USP43: variants seen among roughly 807,000 people sequenced by gnomAD.
The protein encoded by USP43 is ubiquitin specific peptidase 43, also known as ubiquitin carboxyl-terminal hydrolase 43.
In USP43, 33 loss-of-function variants were observed where a neutral mutation model predicts 90.7. That is an observed-to-expected ratio of 0.36 (90% CI 0.28 to 0.49). The LOEUF is 0.49. Among genes scored for constraint, USP43 ranks in the 20% least tolerant of loss-of-function variants. The pLI is 0.98. For synonymous variants in USP43, 598 were observed against 615.8 expected (o/e 0.97, Z 0.43); for missense variants, 1,274 against 1,476.4 (o/e 0.86, Z 2.25).
At chr17:9,698,163 G>T (rs1226365322) in intron 9 of USP43, among the ~76,000 whole-genome samples, 1 of 152,060 alleles carries the variant, frequency 6.6e-6, no homozygotes, top group Non-Finnish European at 1.5e-5. Context: ...CATGTCCTTT[G>T]CCCACTTTTT....
At chr17:9,680,095 C>T in intron 5 of USP43, 136 bp from the exon 6 acceptor site, 1 of 812,858 alleles carries the variant, frequency 1.2e-6, no homozygotes, top group African/African-American at 1.7e-5. Context: ...TACTATGCTG[C>T]CTTATTACTA....
At chr17:9,669,143 C>G (rs896171673) in intron 3 of USP43, among the ~76,000 whole-genome samples, 1 of 152,088 alleles carries the variant, frequency 6.6e-6, no homozygotes, top group Non-Finnish European at 1.5e-5. Flanking sequence ...CACGCCCGGC[C>G]GGGCATCTGT....
chr17:9,683,135 G>T (rs1367461450), intron 7 of USP43, among the ~76,000 whole-genome samples, 177 bp downstream of exon 7: 1 of 152,194 alleles, frequency 6.6e-6, no homozygotes, highest in South Asian at 2.1e-4. Context: ...TTTGGCTAAC[G>T]TCATCATTCC....
At chr17:9,656,863 T>G (rs751175526) in intron 2 of USP43, among the ~76,000 whole-genome samples, 2 of 152,222 alleles carry the variant, frequency 1.3e-5, no homozygotes, top group Non-Finnish European at 2.9e-5. Context: ...TACCGTTCCT[T>G]ATTATTTGCA....
chr17:9,657,463 G>T (rs1324410780), intron 2 of USP43, among the ~76,000 whole-genome samples: 1 of 151,258 alleles, frequency 6.6e-6, no homozygotes, highest in Non-Finnish European at 1.5e-5. Context: ...ACGCACCGTT[G>T]CACTCCAGCC....
At chr17:9,710,884 A>G (rs1223686028) in intron 13 of USP43, among the ~76,000 whole-genome samples, 2 of 151,946 alleles carry the variant, frequency 1.3e-5, no homozygotes, top group Non-Finnish European at 2.9e-5. Context: ...GATTTGTTTC[A>G]TGCTGCAAAC....
chr17:9,689,776 A>G (rs1195292632), intron 8 of USP43, among the ~76,000 whole-genome samples: 1 of 152,150 alleles, frequency 6.6e-6, no homozygotes, highest in African/African-American at 2.4e-5. Context: ...ATTTGTGTGC[A>G]GGCAGAGTAG....
intron 2 of USP43, among the ~76,000 whole-genome samples, chr17:9,661,642 G>C (rs1912647253): frequency 6.6e-6 from 1 of 152,112 alleles, no homozygotes; most frequent in South Asian, 2.1e-4. Context: ...ACAGGTGTGA[G>C]CCACCGTGCA....
chr17:9,652,148 G>A (rs1390362294), intron 1 of USP43, among the ~76,000 whole-genome samples: 1 of 150,166 alleles, frequency 6.7e-6, no homozygotes, highest in Non-Finnish European at 1.5e-5. Context: ...ACTTTGAGAG[G>A]CCGAGATGGG....
chr17:9,715,719 G>A (rs527635973), intron 14 of USP43, among the ~76,000 whole-genome samples: 2 of 133,216 alleles, frequency 1.5e-5, no homozygotes, highest in Non-Finnish European at 3.2e-5. Context: ...CTCTGTGTGT[G>A]TATGTGTGTG....
intron 9 of USP43, among the ~76,000 whole-genome samples, chr17:9,699,831 G>T (rs1417955022): frequency 6.6e-6 from 1 of 152,182 alleles, no homozygotes; most frequent in Non-Finnish European, 1.5e-5. Context: ...TTGGGTATTT[G>T]TGTAGGATGG....
rs141412870 is a variant in USP43, at chr17:9,693,578, G to A, written c.1457+348G>A. Among the ~76,000 whole-genome samples the A allele has an allele frequency of 2.3e-3, 347 of 152,298 alleles. 1 individual carries two copies. Among genetic ancestry groups the A allele is most frequent in the African/African-American group, 8.0e-3 (331 of 41,572 alleles). On this transcript the variant is annotated intron_variant, in intron 9 of 14. Transcript: ENST00000285199. The stretch of plus-strand genomic sequence containing the variant: ...CAGCCAGGCATGGTGGTTCACGCCT[G>A]TAATCCCAGCACTTTTGGAGGCTGA...
chr17:9,728,043 C>T lies in USP43; in HGVS notation c.2425C>T (p.Pro809Ser). Residue 809 changes from proline to serine, a missense_variant, in exon 15 of 15, where the codon CCA becomes TCA. Physicochemically the swap from Pro to Ser is moderately conservative, Grantham distance 74. Coordinates refer to ENST00000285199, the MANE Select transcript of USP43 (RefSeq NM_153210.5). This position sits in a 1 kb window ranked among gnomAD's most constrained non-coding sequence, Gnocchi z 6.2. ...APTTSRAKQGPFKTMPLRWSF... is the reference protein window; with the variant it reads ...APTTSRAKQGSFKTMPLRWSF... ...CACCACTTCCCGAGCCAAGCAGGGA[C>T]CATTCAAGACCATGCCTCTGCGGTG... 6.2e-7 allele frequency: 1 copy of T among 1,613,896 alleles called. No homozygotes were observed. Among genetic ancestry groups the T allele is most frequent in the South Asian group, 1.1e-5 (1 of 91,072 alleles).
At chr17:9,681,756 A>T (rs1914306284) in intron 6 of USP43, among the ~76,000 whole-genome samples, 1 of 151,818 alleles carries the variant, frequency 6.6e-6, no homozygotes, top group South Asian at 2.1e-4. Context: ...AGCCTCCGAA[A>T]GTCCTGGGAT....
intron 5 of USP43, among the ~76,000 whole-genome samples, chr17:9,679,055 G>C (rs752205260): frequency 2.6e-5 from 4 of 151,970 alleles, no homozygotes; most frequent in African/African-American, 9.7e-5. Flanking sequence ...AACTGTAATA[G>C]TAATAATAGT....
Position 9,729,660 on chromosome 17 carries a change from C to A in USP43, c.*670C>A, listed in dbSNP as rs1917486260. 2.6e-5 allele frequency: 4 copies of A among 152,008 alleles called. No individual in the cohort carries two copies. The highest frequency in any genetic ancestry group is 1.3e-4 in the Admixed American group (2 of 15,258). The allele number at this position is 152,008 out of a possible 1,614,324, so 9.4% of individuals were successfully genotyped here. ...TTAATTTAAATATGAGATCTATGTA[C>A]AATTTTAATAAAATCCTGTCCATGA... On this transcript the variant is annotated 3_prime_UTR_variant, in exon 15 of 15. Coordinates refer to ENST00000285199, the MANE Select transcript of USP43 (RefSeq NM_153210.5).
At chr17:9,685,251 C>G (rs947020137) in intron 7 of USP43, among the ~76,000 whole-genome samples, 1 of 152,148 alleles carries the variant, frequency 6.6e-6, no homozygotes, top group Non-Finnish European at 1.5e-5. Flanking sequence ...CAGGCTGCAG[C>G]GAGGCCAGGA....
chr17:9,688,176 A>G (rs1258865333), intron 8 of USP43, among the ~76,000 whole-genome samples: 21 of 149,794 alleles, frequency 1.4e-4, no homozygotes, highest in Admixed American at 1.3e-3. Flanking sequence ...TTTAGTAGAG[A>G]CGGGGTTTCA....
chr17:9,697,665 TC>T (rs1915354640), intron 9 of USP43, among the ~76,000 whole-genome samples: 1 of 136,852 alleles, frequency 7.3e-6, no homozygotes, highest in South Asian at 2.6e-4. Flanking sequence ...AAACAGGAAT[TC>T]TTTTTTTTTT....
Sources: gnomAD v4.1 joint callset for allele counts (sites outside exome capture counted in the v4.1 genomes callset) on GRCh38, gnomAD v4.1.1 for gene constraint, Gnocchi (gnomAD v3.1) non-coding constraint, MANE v1.5 for transcripts, NCBI Gene and HGNC (gene_info 2026-07-23, HGNC 2026-07-21) for gene names.